ELMO1: variants seen among roughly 807,000 people sequenced by gnomAD.
ELMO1 encodes the protein engulfment and cell motility 1.
ELMO1 carries 26 observed loss-of-function variants against 98.9 expected under a neutral mutation model. The observed-to-expected ratio is 0.26, with a 90% CI of 0.19 to 0.36. The LOEUF (loss-of-function observed/expected upper bound fraction) is 0.36, where lower values mean the gene tolerates loss of function less well. Among genes scored for constraint, ELMO1 ranks in the 10% least tolerant of loss-of-function variants. The pLI is 1.00. For missense variants in ELMO1, 627 were observed against 935.2 expected, an observed-to-expected ratio of 0.67 and a Z score of 4.30; for synonymous variants, 346 against 346.0, an observed-to-expected ratio of 1.00 and a Z score of 0.00.
intron 16 of ELMO1, among the ~76,000 whole-genome samples, chr7:36,970,870 T>A (rs1189786221): frequency 1.3e-5 from 2 of 152,124 alleles, no homozygotes; most frequent in African/African-American, 2.4e-5. Context: ...CAGAAGAACA[T>A]CGACGCACAG....
chr7:37,181,353 T>C (rs1376976138), intron 13 of ELMO1, among the ~76,000 whole-genome samples: 2 of 151,944 alleles, frequency 1.3e-5, no homozygotes, highest in Non-Finnish European at 1.5e-5. Flanking sequence ...GCCTCATCCC[T>C]GCAGGGTGGG....
At chr7:37,266,720 T>C (rs982613092) in intron 5 of ELMO1, among the ~76,000 whole-genome samples, 2 of 152,016 alleles carry the variant, frequency 1.3e-5, no homozygotes, top group African/African-American at 4.8e-5. Flanking sequence ...TAGGTAGAAA[T>C]ACATGAGTAC....
intron 2 of ELMO1, among the ~76,000 whole-genome samples, chr7:37,332,515 G>A (rs1800188858): frequency 6.6e-6 from 1 of 152,192 alleles, no homozygotes; most frequent in Admixed American, 6.5e-5. Flanking sequence ...AGTCAGAAAA[G>A]GCCTTAGAGA....
Position 37,421,047 on chromosome 7 carries a change from A to G in ELMO1, c.-74+27628T>C, listed in dbSNP as rs151317192. Among the ~76,000 whole-genome samples, 10 of 152,338 alleles carry G rather than the reference A, an allele frequency of 6.6e-5. No homozygotes were observed. In the East Asian group the frequency reaches 1.9e-3, roughly 29 times the overall value. On this transcript the variant is annotated intron_variant, in intron 1 of 21. Coordinates refer to ENST00000310758, the MANE Select transcript of ELMO1 (RefSeq NM_014800.11). ...AGTGAAGCCCAGAACCCTAAGCCAC[A>G]TCTTCCTCTTAAAAGCACACTCTGA...
intron 13 of ELMO1, among the ~76,000 whole-genome samples, chr7:37,192,976 T>G (rs1791717726): frequency 3.6e-5 from 1 of 27,694 alleles, no homozygotes; most frequent in Non-Finnish European, 7.5e-5. Context: ...AGGAGATATA[T>G]ATATATATAT....
chr7:36,938,304 T>G (rs1786724535), intron 16 of ELMO1, among the ~76,000 whole-genome samples: 2 of 152,236 alleles, frequency 1.3e-5, no homozygotes. Flanking sequence ...TTTGAAAGAC[T>G]GGATAAAAAC....
At chr7:37,285,685 A>C (rs984535821) in intron 4 of ELMO1, among the ~76,000 whole-genome samples, 1 of 152,218 alleles carries the variant, frequency 6.6e-6, no homozygotes, top group Non-Finnish European at 1.5e-5. Context: ...AAAGAAGGGG[A>C]AAAAAGCAGG....
At chr7:37,302,682 T>C (rs975520590) in intron 4 of ELMO1, among the ~76,000 whole-genome samples, 7 of 152,158 alleles carry the variant, frequency 4.6e-5, no homozygotes, top group African/African-American at 1.7e-4. Flanking sequence ...CAAGCCATCA[T>C]GGATGGGAAG....
chr7:36,927,677 T>C (rs1272660884), intron 16 of ELMO1, among the ~76,000 whole-genome samples: 1 of 152,214 alleles, frequency 6.6e-6, no homozygotes, highest in South Asian at 2.1e-4. Flanking sequence ...AGCCTTACTT[T>C]TGTGAGACAG....
intron 16 of ELMO1, among the ~76,000 whole-genome samples, chr7:36,932,070 CTTCATTCA>C (rs113584410): frequency 1.3e-5 from 2 of 151,574 alleles, no homozygotes; most frequent in East Asian, 2.0e-4. Flanking sequence ...GGAGAGTTAA[CTTCATTCA>C]TTCATTCATT....
At chr7:36,884,090 G>A (rs1804709676) in intron 18 of ELMO1, among the ~76,000 whole-genome samples, 1 of 152,146 alleles carries the variant, frequency 6.6e-6, no homozygotes. Flanking sequence ...GGGAGGCAAG[G>A]CAAGTGGATC....
chr7:37,278,113 CTTTTTTTTTTT>C (rs36110041), intron 4 of ELMO1, among the ~76,000 whole-genome samples: 12 of 85,608 alleles, frequency 1.4e-4, no homozygotes, highest in African/African-American at 5.6e-4. Context: ...ATAGCTTTTC[CTTTTTTTTTTT>C]TTTTTTTTTT....
chr7:36,902,254 C>A (rs1202893168), intron 16 of ELMO1, among the ~76,000 whole-genome samples: 2 of 152,248 alleles, frequency 1.3e-5, no homozygotes, highest in Non-Finnish European at 2.9e-5. Flanking sequence ...AGCTTCTCTG[C>A]ATTTCACAAA....
intron 17 of ELMO1, among the ~76,000 whole-genome samples, chr7:36,891,582 G>C (rs1429123655): frequency 1.3e-5 from 2 of 152,174 alleles, no homozygotes; most frequent in Non-Finnish European, 2.9e-5. Flanking sequence ...ATCACAACTT[G>C]TTAAATTCTG....
intron 6 of ELMO1, among the ~76,000 whole-genome samples, chr7:37,255,561 G>A (rs978384011): frequency 6.6e-6 from 1 of 152,204 alleles, no homozygotes; most frequent in African/African-American, 2.4e-5. Flanking sequence ...GAGGTGAGGG[G>A]CTCCACCACA....
intron 16 of ELMO1, among the ~76,000 whole-genome samples, chr7:36,895,583 G>A (rs184006794): frequency 3.5e-4 from 53 of 152,158 alleles, no homozygotes; most frequent in South Asian, 1.7e-3. Context: ...TTTGAGCCTG[G>A]CACTAAAAAA....
intron 16 of ELMO1, among the ~76,000 whole-genome samples, chr7:36,929,106 C>T (rs1031252280): frequency 2.0e-5 from 3 of 152,218 alleles, no homozygotes; most frequent in African/African-American, 4.8e-5. Context: ...GCAGACTCTG[C>T]TAGAACCAAA....
intron 19 of ELMO1, among the ~76,000 whole-genome samples, chr7:36,877,544 AG>A (rs764520196): frequency 6.3e-4 from 96 of 152,372 alleles, no homozygotes; most frequent in Non-Finnish European, 1.1e-3. Flanking sequence ...AGTGTCTTTG[AG>A]GTAAACTAGC....
At chr7:37,267,910 A>C (rs1076477) in intron 5 of ELMO1, among the ~76,000 whole-genome samples, 11,238 of 152,220 alleles carry the variant, frequency 0.074, 528 homozygotes, top group South Asian at 0.17. Context: ...TTCTTTCCAA[A>C]CACAAAGTTT....
Sources: allele counts gnomAD v4.1 joint callset (sites outside exome capture counted in the v4.1 genomes callset), GRCh38; gene constraint gnomAD v4.1.1; transcripts MANE v1.5; gene names NCBI Gene and HGNC (gene_info 2026-07-23, HGNC 2026-07-21).